ASIC2: variants seen among roughly 807,000 people sequenced by gnomAD.
The protein encoded by ASIC2 is acid-sensing ion channel 2.
Under a neutral mutation model 57.3 loss-of-function variants are expected in ASIC2, and 25 were observed. The ratio of observed to expected loss-of-function variants is 0.44; its 90% CI spans 0.32 to 0.61. The LOEUF (loss-of-function observed/expected upper bound fraction) is 0.61, where lower values mean the gene tolerates loss of function less well. Among genes scored for constraint, ASIC2 ranks in the 20% least tolerant of loss-of-function variants. The probability of loss-of-function intolerance (pLI) is 0.06; values close to 1 mark genes in which losing one functional copy is unlikely to be tolerated. For synonymous variants in ASIC2, 319 were observed against 307.5 expected, an observed-to-expected ratio of 1.04 and a Z score of -0.39; for missense variants, 641 against 738.1, an observed-to-expected ratio of 0.87 and a Z score of 1.52.
At chr17:33,509,365 T>C (rs1275763443) in intron 1 of ASIC2, among the ~76,000 whole-genome samples, 2 of 152,174 alleles carry the variant, frequency 1.3e-5, no homozygotes, top group South Asian at 2.1e-4. Flanking sequence ...GCAGGCTTCA[T>C]AATGTCCACT....
At chr17:33,752,635 C>A (rs1245117951) in intron 1 of ASIC2, among the ~76,000 whole-genome samples, 7 of 152,122 alleles carry the variant, frequency 4.6e-5, no homozygotes, top group Non-Finnish European at 1.0e-4. Context: ...AGACCATTTC[C>A]TTTTATCATT....
intron 1 of ASIC2, among the ~76,000 whole-genome samples, chr17:34,128,642 C>T (rs964106876): frequency 2.6e-5 from 4 of 152,268 alleles, no homozygotes; most frequent in South Asian, 4.1e-4. Context: ...TAGAACTGTG[C>T]GCTAGATAAG....
intron 1 of ASIC2, among the ~76,000 whole-genome samples, chr17:34,155,114 G>A (rs1441545913): frequency 1.3e-5 from 2 of 149,566 alleles, no homozygotes; most frequent in Non-Finnish European, 3.0e-5. Flanking sequence ...ACAGCTGTTC[G>A]CCCCCTCCCT....
chr17:33,488,259 C>G (rs766506492), intron 1 of ASIC2, among the ~76,000 whole-genome samples: 2 of 152,162 alleles, frequency 1.3e-5, no homozygotes, highest in Non-Finnish European at 2.9e-5. Context: ...TGTCATGCCT[C>G]TATTCCAGAC....
At chr17:33,573,398 C>T (rs1916513310) in intron 1 of ASIC2, among the ~76,000 whole-genome samples, 1 of 152,180 alleles carries the variant, frequency 6.6e-6, no homozygotes, top group African/African-American at 2.4e-5. Flanking sequence ...CAGAAGGCCT[C>T]TGTGTGACTC....
At chr17:33,228,147 TG>T (rs1166829477) in intron 1 of ASIC2, among the ~76,000 whole-genome samples, 1 of 152,198 alleles carries the variant, frequency 6.6e-6, no homozygotes, top group African/African-American at 2.4e-5. Flanking sequence ...CCTCCTGTGC[TG>T]TCTTATTGTT....
At chr17:33,401,294 A>G (rs544400280) in intron 1 of ASIC2, among the ~76,000 whole-genome samples, 2 of 152,366 alleles carry the variant, frequency 1.3e-5, no homozygotes, top group South Asian at 2.1e-4. Flanking sequence ...GTGCTTCGCC[A>G]TCTGTAATCT....
chr17:33,080,350 A>T (rs2092108297), intron 3 of ASIC2, among the ~76,000 whole-genome samples: 1 of 152,020 alleles, frequency 6.6e-6, no homozygotes, highest in Admixed American at 6.5e-5. Flanking sequence ...AGCCAAAGAG[A>T]TCTCATGAGC....
intron 1 of ASIC2, among the ~76,000 whole-genome samples, chr17:33,915,737 C>G (rs75870590): frequency 6.6e-6 from 1 of 152,122 alleles, no homozygotes; most frequent in Non-Finnish European, 1.5e-5. Flanking sequence ...TTTTCTACAG[C>G]GAAGAAACTG....
chr17:33,347,483 A>G (rs1162162293), intron 1 of ASIC2, among the ~76,000 whole-genome samples: 1 of 152,200 alleles, frequency 6.6e-6, no homozygotes, highest in Non-Finnish European at 1.5e-5. Context: ...TCTTCTGGCC[A>G]TGAATTTAAA....
rs774485940 is a variant in ASIC2, at chr17:33,014,087, G to C, written c.1591-21C>G. On this transcript the variant is annotated intron_variant, in intron 9 of 9. Transcript: ENST00000225823. ...GTACTCTGGAAGGGAAGGGTTGGTG[G>C]GAGTTTATTATTCGCTCAGCAAAAA... The C allele has an allele frequency of 1.0e-5, 16 of 1,557,908 alleles. No individual in the cohort carries two copies. The East Asian group carries it at 2.8e-4, about 27-fold the overall frequency.
At chr17:33,248,408 T>C (rs976868249) in intron 1 of ASIC2, among the ~76,000 whole-genome samples, 3 of 152,218 alleles carry the variant, frequency 2.0e-5, no homozygotes, top group African/African-American at 7.2e-5. Flanking sequence ...CTGGGTGTTT[T>C]TGAACAAATG....
chr17:33,948,095 T>A (rs1343982645), intron 1 of ASIC2, among the ~76,000 whole-genome samples: 1 of 152,168 alleles, frequency 6.6e-6, no homozygotes, highest in East Asian at 1.9e-4. Context: ...GTCCATCCAA[T>A]TTCCACTGTA....
chr17:33,404,014 T>C (rs1417165396), intron 1 of ASIC2, among the ~76,000 whole-genome samples: 2 of 152,234 alleles, frequency 1.3e-5, no homozygotes, highest in African/African-American at 4.8e-5. Context: ...AGTCACCTGC[T>C]ACATGAAAAC....
At chr17:33,715,093 C>T (rs563617665) in intron 1 of ASIC2, among the ~76,000 whole-genome samples, 41 of 151,494 alleles carry the variant, frequency 2.7e-4, no homozygotes, top group Non-Finnish European at 5.0e-4. Flanking sequence ...TCAAAGTCCT[C>T]GGCTCAAGTG....
chr17:33,041,091 C>T (rs2091928227), intron 3 of ASIC2, among the ~76,000 whole-genome samples: 1 of 152,144 alleles, frequency 6.6e-6, no homozygotes, highest in African/African-American at 2.4e-5. Context: ...ATCTCCAGAG[C>T]CCTGGAGCCT....
At chr17:33,466,911 T>C (rs1241871084) in intron 1 of ASIC2, among the ~76,000 whole-genome samples, 1 of 152,132 alleles carries the variant, frequency 6.6e-6, no homozygotes, top group East Asian at 1.9e-4. Context: ...ACCTAGGCAA[T>C]ACCATTCAAG....
At chr17:33,371,714 G>T (rs1197121342) in intron 1 of ASIC2, among the ~76,000 whole-genome samples, 1 of 151,854 alleles carries the variant, frequency 6.6e-6, no homozygotes, top group Non-Finnish European at 1.5e-5. Flanking sequence ...TTTTAACAGG[G>T]AGAGGGTGAA....
chr17:33,688,099 G>C (rs149340002), intron 1 of ASIC2, among the ~76,000 whole-genome samples: 60 of 152,248 alleles, frequency 3.9e-4, no homozygotes, highest in African/African-American at 1.3e-3. Flanking sequence ...GTGTGTTGGG[G>C]GTGGCCTGAG....
Sources: allele counts gnomAD v4.1 joint callset (sites outside exome capture counted in the v4.1 genomes callset), GRCh38; gene constraint gnomAD v4.1.1; transcripts MANE v1.5; gene names NCBI Gene and HGNC (gene_info 2026-07-23, HGNC 2026-07-21).